TRIM67: variants seen among roughly 807,000 people sequenced by gnomAD.
The protein encoded by TRIM67 is tripartite motif-containing protein 67.
A neutral mutation model predicts 71.0 loss-of-function variants in TRIM67; 39 were observed. The ratio of observed to expected loss-of-function variants is 0.55; its 90% CI spans 0.43 to 0.72. The LOEUF (loss-of-function observed/expected upper bound fraction) is 0.72, where lower values mean the gene tolerates loss of function less well. Among genes scored for constraint, TRIM67 ranks in the 30% least tolerant of loss-of-function variants. The pLI is 0.00. For missense variants in TRIM67, 973 were observed against 1,079.2 expected, an observed-to-expected ratio of 0.90 and a Z score of 1.38; for synonymous variants, 481 against 473.9, an observed-to-expected ratio of 1.01 and a Z score of -0.19.
At position 231,216,218 on chromosome 1, in the gene TRIM67, T is replaced by C. The variant is rs1684009903; in HGVS notation, c.*778T>C. 1.0e-6 allele frequency: 1 copy of C among 958,980 alleles called. No individual in the cohort carries two copies. The highest frequency in any genetic ancestry group is 4.8e-5 in the South Asian group (1 of 20,720). 59.4% of individuals were successfully genotyped at this position (958,980 alleles called of 1,614,324 possible). On this transcript the variant is annotated 3_prime_UTR_variant, in exon 10 of 10. Coordinates refer to ENST00000366653, the MANE Select transcript of TRIM67 (RefSeq NM_001004342.5). Reference sequence around the variant, plus strand: ...GCTCTCTCTTTCTTCCTTTCCTCCTTCTCTCTTACTTTCCTCCATCCCTGC... The same window carrying C: ...GCTCTCTCTTTCTTCCTTTCCTCCTCCTCTCTTACTTTCCTCCATCCCTGC...
At chr1:231,205,725 CAAA>C (rs11325333) in intron 6 of TRIM67, among the ~76,000 whole-genome samples, 10 of 98,310 alleles carry the variant, frequency 1.0e-4, no homozygotes, top group Non-Finnish European at 6.9e-5. Flanking sequence ...GACTCTGTCT[CAAA>C]AAAAAAAAAA....
At position 231,201,462 on chromosome 1, in the gene TRIM67, C is replaced by T. The variant is rs746702291; in HGVS notation, c.1479C>T (p.Ser493=). ...CGGAGTTTGATCTGACTTTGGACAG[C>T]GAGCCGCTGCTGCAGGCCATCCACC... ...VSAEFDLTLD[S]EPLLQAIHQL... is the part of the protein sequence containing the mutation. The change falls in exon 5 of 10, where the codon AGC becomes AGT. Residue 493 remains serine, a synonymous_variant. Coordinates refer to ENST00000366653, the MANE Select transcript of TRIM67 (RefSeq NM_001004342.5). 20 of 1,613,484 alleles carry T rather than the reference C, an allele frequency of 1.2e-5. No homozygotes were observed. Among genetic ancestry groups the T allele is most frequent in the Admixed American group, 1.7e-5 (1 of 59,946 alleles).
intron 1 of TRIM67, among the ~76,000 whole-genome samples, chr1:231,183,618 C>T (rs1046747867): frequency 1.3e-5 from 2 of 151,978 alleles, no homozygotes; most frequent in East Asian, 1.9e-4. Flanking sequence ...CCATCCCTCC[C>T]TCCCAACAAA....
At chr1:231,166,893 G>A (rs1204810529) in intron 1 of TRIM67, among the ~76,000 whole-genome samples, 1 of 152,188 alleles carries the variant, frequency 6.6e-6, no homozygotes, top group African/African-American at 2.4e-5. Context: ...ATAGGGAAGG[G>A]TAACTGTACA....
intron 1 of TRIM67, chr1:231,184,623 A>C (rs985563250): frequency 4.7e-6 from 1 of 213,282 alleles, no homozygotes; most frequent in African/African-American, 2.3e-5. Context: ...GGCTGTGCTC[A>C]GTGGAGAAAA....
At position 231,215,660 on chromosome 1, in the gene TRIM67, G is replaced by C. The variant is rs770693884; in HGVS notation, c.*220G>C. 2.3e-6 allele frequency: 3 copies of C among 1,324,378 alleles called. No individual in the cohort carries two copies. The highest frequency in any genetic ancestry group is 3.4e-5 in the Admixed American group (1 of 29,326). 82.0% of individuals were successfully genotyped at this position (1,324,378 alleles called of 1,614,324 possible). A position where few individuals can be genotyped will look rare whatever the true frequency, so the allele number is the denominator to read the frequency against. ...CACTGTCAGTGGCAAAGGAAGGTAC[G>C]TGTGTCACCCTTATTCCACCCAGAC... On this transcript the variant is annotated 3_prime_UTR_variant, in exon 10 of 10. Transcript: ENST00000366653.
At chr1:231,208,234 C>T (rs992068690) in intron 7 of TRIM67, among the ~76,000 whole-genome samples, 2 of 150,700 alleles carry the variant, frequency 1.3e-5, no homozygotes, top group Non-Finnish European at 2.9e-5. Flanking sequence ...AGTGTAGTGG[C>T]GTGATCATGG....
intron 1 of TRIM67, among the ~76,000 whole-genome samples, chr1:231,191,665 C>A (rs1356757297): frequency 3.9e-5 from 6 of 152,076 alleles, no homozygotes; most frequent in African/African-American, 1.4e-4. Flanking sequence ...AGTTAACACC[C>A]AGAAGTCATA....
In TRIM67 at chr1:231,219,228, G is replaced by C. The variant is rs139542956; in HGVS notation, c.*3788G>C. 1.3e-5 allele frequency: 13 copies of C among 984,426 alleles called. No individual in the cohort carries two copies. Among genetic ancestry groups the C allele is most frequent in the Non-Finnish European group, 1.4e-5 (12 of 829,124 alleles). 61.0% of individuals were successfully genotyped at this position (984,426 alleles called of 1,614,324 possible). On this transcript the variant is annotated 3_prime_UTR_variant, in exon 10 of 10. Coordinates refer to ENST00000366653, the MANE Select transcript of TRIM67 (RefSeq NM_001004342.5). ...TTTGCGATAGGTTCTGTATGCCGTA[G>C]GATGTTTAGCAACATCCCTGGTCTC...
At chr1:231,176,843 A>G (rs1682760920) in intron 1 of TRIM67, among the ~76,000 whole-genome samples, 3 of 138,326 alleles carry the variant, frequency 2.2e-5, no homozygotes, top group Non-Finnish European at 3.0e-5. Context: ...TAGCCAGGCT[A>G]TAATCTTTTT....
Position 231,163,620 on chromosome 1 carries a change from G to T in TRIM67, c.651G>T (p.Glu217Asp). 1 of 1,519,898 alleles carries T rather than the reference G, an allele frequency of 6.6e-7. No homozygotes were observed. The allele number at this position is 1,519,898 out of a possible 1,614,324, so 94.2% of individuals were successfully genotyped here. A position where few individuals can be genotyped will look rare whatever the true frequency, so the allele number is the denominator to read the frequency against. ...AGCTGTGCGACCGCACCCCGCCAGAGCCAGCAGCCACGCTCTGCGAGCAGT... is the reference window on the plus strand; with the variant it reads ...AGCTGTGCGACCGCACCCCGCCAGATCCAGCAGCCACGCTCTGCGAGCAGT... ...ICQLCDRTPP[E>D]PAATLCEQCD... The change falls in exon 1 of 10, where the codon GAG becomes GAT. Residue 217 changes from glutamate (E) to aspartate (D), a missense_variant. Physicochemically the swap from Glu to Asp is conservative, Grantham distance 45 (BLOSUM62 2). This residue lies in a region of TRIM67 where 795 missense variants were observed against 831.3 expected (regional missense o/e 0.96). Transcript: ENST00000366653.
Position 231,218,653 on chromosome 1 carries a change from C to T in TRIM67, c.*3213C>T, listed in dbSNP as rs959076056. On this transcript the variant is annotated 3_prime_UTR_variant, in exon 10 of 10. Coordinates refer to ENST00000366653, the MANE Select transcript of TRIM67 (RefSeq NM_001004342.5). ...TAAAGAGGACACCAGTAATACTGAC[C>T]CACAAGGTAACTGACCTAAACACTA... 27 of 985,270 alleles carry T rather than the reference C, an allele frequency of 2.7e-5. No homozygotes were observed. Among genetic ancestry groups the T allele is most frequent in the Admixed American group, 6.2e-5 (1 of 16,258 alleles). The allele number at this position is 985,270 out of a possible 1,614,324, so 61.0% of individuals were successfully genotyped here.
chr1:231,170,621 T>C (rs1682597525), intron 1 of TRIM67, among the ~76,000 whole-genome samples: 1 of 152,206 alleles, frequency 6.6e-6, no homozygotes, highest in East Asian at 1.9e-4. Flanking sequence ...ATCAACAATA[T>C]AGAGTGTTCT....
At chr1:231,184,816 A>G (rs1168012429) in intron 1 of TRIM67, 2 of 591,798 alleles carry the variant, frequency 3.4e-6, no homozygotes, top group African/African-American at 3.8e-5. Context: ...CCATCATTAA[A>G]CCTTGAGGCA....
Position 231,163,415 on chromosome 1 carries a change from C to T in TRIM67, c.446C>T (p.Ser149Leu), listed in dbSNP as rs1682352151. The T allele has an allele frequency of 1.3e-6, 2 of 1,538,186 alleles. No homozygotes were observed. Among genetic ancestry groups the T allele is most frequent in the African/African-American group, 2.8e-5 (2 of 71,460 alleles). ...GCGGCTCGGGGTGCCGCCTGCTCCT[C>T]GCTGTCCTCGTCTTCGAGCTCCATC... Reference protein sequence around the residue: ...AAAARGAACSSLSSSSSSITC... With the variant: ...AAAARGAACSLLSSSSSSITC... The change falls in exon 1 of 10, where the codon TCG becomes TTG. Residue 149 changes from serine (S) to leucine (L), a missense_variant. Coordinates refer to ENST00000366653, the MANE Select transcript of TRIM67 (RefSeq NM_001004342.5).
intron 5 of TRIM67, among the ~76,000 whole-genome samples, chr1:231,202,288 G>A (rs1397995321): frequency 6.5e-5 from 1 of 15,324 alleles, no homozygotes; most frequent in African/African-American, 2.1e-4. Context: ...AGGAGGTGGA[G>A]GCAGTAGTGG....
At chr1:231,212,188 TAAAC>T (rs1683890423) in intron 8 of TRIM67, among the ~76,000 whole-genome samples, 1 of 152,182 alleles carries the variant, frequency 6.6e-6, no homozygotes, top group Non-Finnish European at 1.5e-5. Flanking sequence ...TACAGAGAGA[TAAAC>T]AACTTGAAAG....
At position 231,209,251 on chromosome 1, in the gene TRIM67, G is replaced by A. The variant is rs1451577147; in HGVS notation, c.2123+1G>A. Reference sequence around the variant, plus strand: ...TGCACTGCAACTCCCACACCAACAGGTGCGATTGGGCCCCATCCTGCCTCC... The same window carrying A: ...TGCACTGCAACTCCCACACCAACAGATGCGATTGGGCCCCATCCTGCCTCC... On this transcript the variant is annotated splice_donor_variant, in intron 8 of 9. Transcript: ENST00000366653. LOFTEE classifies it high-confidence loss of function. This position sits in a 1 kb window ranked among gnomAD's most constrained non-coding sequence, Gnocchi z 4.1. 6.5e-7 allele frequency: 1 copy of A among 1,536,508 alleles called. No homozygotes were observed. Among genetic ancestry groups the A allele is most frequent in the South Asian group, 1.3e-5 (1 of 78,552 alleles).
At chr1:231,172,784 A>C (rs960255492) in intron 1 of TRIM67, among the ~76,000 whole-genome samples, 1 of 152,258 alleles carries the variant, frequency 6.6e-6, no homozygotes, top group Non-Finnish European at 1.5e-5. Context: ...ATTCTGGATG[A>C]TATCTATAAA....
Sources: allele counts gnomAD v4.1 joint callset (sites outside exome capture counted in the v4.1 genomes callset), GRCh38; gene constraint gnomAD v4.1.1; regional missense constraint gnomAD v4.1.1; non-coding constraint Gnocchi (gnomAD v3.1); transcripts MANE v1.5; gene names NCBI Gene and HGNC (gene_info 2026-07-23, HGNC 2026-07-21).